Variants in AMOT observed in about 807,000 individuals in gnomAD.
AMOT encodes angiomotin.
A neutral mutation model predicts 67.0 loss-of-function variants in AMOT; 11 were observed. That is an observed-to-expected ratio of 0.16 (90% CI 0.10 to 0.27). The LOEUF is 0.27. Among genes scored for constraint, AMOT ranks in the 10% least tolerant of loss-of-function variants. The probability of loss-of-function intolerance (pLI) is 1.00; values close to 1 mark genes in which losing one functional copy is unlikely to be tolerated. For missense variants in AMOT, 753 were observed against 852.0 expected (o/e 0.88, Z 1.45); for synonymous variants, 326 against 321.4 (o/e 1.01, Z -0.15).
intron 8 of AMOT, among the ~76,000 whole-genome samples, chrX:112,802,488 G>A (rs766864628): frequency 1.8e-5 from 2 of 112,075 alleles, no homozygotes; most frequent in South Asian, 3.7e-4. Flanking sequence ...AGAAGTGAGC[G>A]GGCTTGAAAG....
rs1219774136 is a variant in AMOT at position 112,782,681 on chromosome X, G to C, written c.2118-19C>G. 1.7e-6 allele frequency: 2 copies of C among 1,200,269 alleles called. No individual in the cohort carries two copies. The highest frequency in any genetic ancestry group is 3.5e-5 in the African/African-American group (2 of 57,441). ...TGTGTCCCTGGGGAGGAAAATGGAA[G>C]TGATGAGATGGGAGCATAGCAAGAT... On this transcript the variant is annotated intron_variant, in intron 10 of 13. Coordinates refer to ENST00000371959, the MANE Select transcript of AMOT (RefSeq NM_001113490.2).
intron 8 of AMOT, among the ~76,000 whole-genome samples, chrX:112,796,433 G>A (rs1933820348): frequency 8.9e-6 from 1 of 112,033 alleles, no homozygotes; most frequent in Admixed American, 9.4e-5. Flanking sequence ...CTAATCTAGA[G>A]ACCAGTACCC....
At chrX:112,800,144 T>C (rs58114033) in intron 8 of AMOT, among the ~76,000 whole-genome samples, 2 of 110,876 alleles carry the variant, frequency 1.8e-5, no homozygotes, top group East Asian at 5.7e-4. Flanking sequence ...GGCAGGAGAA[T>C]AGCTTGAACC....
At chrX:112,803,006 C>A (rs1184995946) in intron 8 of AMOT, among the ~76,000 whole-genome samples, 1 of 112,124 alleles carries the variant, frequency 8.9e-6, no homozygotes, top group Non-Finnish European at 1.9e-5. Context: ...CTCCAACTGG[C>A]TGAGCACCCT....
rs763545764 is a variant in AMOT at position 112,814,071 on chromosome X, G to A, written c.1392+1287C>T. 3.2e-3 allele frequency among the ~76,000 whole-genome samples: 356 copies of A among 110,930 alleles called. 5 individuals are homozygous for A. The highest frequency in any genetic ancestry group is 0.011 in the African/African-American group (333 of 30,502). On this transcript the variant is annotated intron_variant, in intron 5 of 13. Transcript: ENST00000371959. ...GCGGATCACCTGAGGTCGGGAGTTC[G>A]AGACCAGCCTGGCCAACATGGAGAA...
intron 1 of AMOT, 45 bp from the exon 2 acceptor site, chrX:112,832,415 T>C (rs1416599802): frequency 8.9e-6 from 1 of 111,805 alleles, no homozygotes; most frequent in Non-Finnish European, 1.9e-5. Flanking sequence ...ATTTTAGAAC[T>C]GGAGAGGGAA....
At chrX:112,836,250 G>A (rs1356627213) in intron 1 of AMOT, among the ~76,000 whole-genome samples, 2 of 111,461 alleles carry the variant, frequency 1.8e-5, no homozygotes, top group African/African-American at 6.5e-5. Context: ...GTAAACAGTG[G>A]ACCCTAGTTT....
intron 1 of AMOT, among the ~76,000 whole-genome samples, chrX:112,833,789 T>C (rs1024623776): frequency 2.7e-5 from 3 of 111,884 alleles, no homozygotes; most frequent in Non-Finnish European, 5.6e-5. Flanking sequence ...GAACTGAAAA[T>C]CTAAATGTAA....
intron 1 of AMOT, among the ~76,000 whole-genome samples, chrX:112,833,857 AT>A (rs1935065910): frequency 9.1e-6 from 1 of 110,096 alleles, no homozygotes; most frequent in Admixed American, 9.5e-5. Flanking sequence ...CCCATCTGTG[AT>A]TTTTATCTTA....
intron 7 of AMOT, among the ~76,000 whole-genome samples, chrX:112,809,063 T>C (rs145316740): frequency 1.3e-3 from 142 of 111,330 alleles, no homozygotes; most frequent in Middle Eastern, 4.6e-3. Flanking sequence ...TGGAAGAGAA[T>C]GGCAAATCCC....
chrX:112,804,322 T>C (rs1180324453), intron 8 of AMOT, among the ~76,000 whole-genome samples: 3 of 110,742 alleles, frequency 2.7e-5, no homozygotes, highest in African/African-American at 9.9e-5. Context: ...AAACTGTCCC[T>C]GGGTCCCATC....
Position 112,779,374 on chromosome X carries a change from G to A in AMOT, c.2780C>T (p.Pro927Leu), listed in dbSNP as rs745405357. 8 of 1,012,285 alleles carry A rather than the reference G, an allele frequency of 7.9e-6. No individual in the cohort carries two copies. The highest frequency in any genetic ancestry group is 6.6e-5 in the East Asian group (2 of 30,132). The allele number at this position is 1,012,285 out of a possible 1,213,427, so 83.4% of individuals were successfully genotyped here. Residue 927 changes from proline to leucine, a missense_variant, in exon 13 of 14, where the codon CCG becomes CTG. Physicochemically the swap from Pro to Leu is moderately conservative, Grantham distance 98. Around this residue, in one of 5 missense-constraint regions of AMOT, gnomAD observed 269 missense variants for 300.9 expected, o/e 0.89. Transcript: ENST00000371959. The stretch of plus-strand genomic sequence containing the variant: ...AGTAGCAGCGGCAGTGGCTGGAGAC[G>A]GGGCAGCAGCAGCAGCTGGAGCAGC... ...AAAAPAAAAA[P>L]SPATAAATAA...
intron 2 of AMOT, among the ~76,000 whole-genome samples, chrX:112,830,356 C>T (rs1934957348): frequency 8.9e-6 from 1 of 112,154 alleles, no homozygotes; most frequent in African/African-American, 3.2e-5. Context: ...ATTCACTTAC[C>T]CATTCTTCAA....
chrX:112,828,496 T>C (rs1178353048), intron 2 of AMOT, among the ~76,000 whole-genome samples: 3 of 28,116 alleles, frequency 1.1e-4, no homozygotes, highest in African/African-American at 3.7e-4. Context: ...TAATTGTTAT[T>C]TCAAAGTAGC....
intron 2 of AMOT, among the ~76,000 whole-genome samples, chrX:112,829,711 C>G (rs1934938917): frequency 8.9e-6 from 1 of 112,190 alleles, no homozygotes; most frequent in Non-Finnish European, 1.9e-5. Context: ...GATGGTAACT[C>G]AAGGTCTTGG....
At chrX:112,797,894 AAGAG>A (rs1202193521) in intron 8 of AMOT, among the ~76,000 whole-genome samples, 2 of 108,455 alleles carry the variant, frequency 1.8e-5, no homozygotes, top group African/African-American at 3.4e-5. Flanking sequence ...GAGAGAGAGA[AAGAG>A]AGAAAGAAAG....
At chrX:112,807,970 C>T (rs1002415827) in intron 7 of AMOT, among the ~76,000 whole-genome samples, 1 of 111,713 alleles carries the variant, frequency 9.0e-6, no homozygotes, top group Non-Finnish European at 1.9e-5. Context: ...TGTCCCTTGT[C>T]TTTCCTCTCC....
intron 7 of AMOT, among the ~76,000 whole-genome samples, chrX:112,809,488 G>A (rs1461154657): frequency 9.0e-6 from 1 of 111,079 alleles, no homozygotes; most frequent in Non-Finnish European, 1.9e-5. Flanking sequence ...CCAGGTACAG[G>A]TGAAGTATTC....
intron 5 of AMOT, among the ~76,000 whole-genome samples, chrX:112,814,101 C>T (rs1211417344): frequency 9.0e-6 from 1 of 110,519 alleles, no homozygotes; most frequent in Non-Finnish European, 1.9e-5. Flanking sequence ...GGAGAAACCC[C>T]GTCTCTACTA....
Sources: allele counts gnomAD v4.1 joint callset (sites outside exome capture counted in the v4.1 genomes callset), GRCh38; gene constraint gnomAD v4.1.1; regional missense constraint gnomAD v4.1.1; transcripts MANE v1.5; gene names NCBI Gene and HGNC (gene_info 2026-07-23, HGNC 2026-07-21).